PRSS41: variants seen among roughly 807,000 people sequenced by gnomAD.
The protein encoded by PRSS41 is protease, serine 41.
A neutral mutation model predicts 28.8 loss-of-function variants in PRSS41; 37 were observed. The observed-to-expected ratio is 1.29, with a 90% CI of 0.99 to 1.69. The LOEUF (loss-of-function observed/expected upper bound fraction) is 1.69. PRSS41 is among the 40% of genes most tolerant of loss of function. The pLI, the probability that PRSS41 is intolerant of heterozygous loss-of-function variation, is 0.00. For missense variants in PRSS41, 431 were observed against 400.7 expected, an observed-to-expected ratio of 1.08 and a Z score of -0.65; for synonymous variants, 195 against 163.1, an observed-to-expected ratio of 1.20 and a Z score of -1.49.
intron 4 of PRSS41, among the ~76,000 whole-genome samples, chr16:2,800,555 A>C (rs1230080721): frequency 1.3e-5 from 2 of 151,910 alleles, no homozygotes; most frequent in Admixed American, 6.6e-5. Flanking sequence ...AAAAAAAAAA[A>C]AAAAAAAAGA....
rs994265207 is a variant in PRSS41, at chr16:2,799,715, C to T, written c.541+146C>T. 2.3e-5 allele frequency: 19 copies of T among 842,044 alleles called. No homozygotes were observed. The African/African-American group carries it at 2.5e-4, about 11-fold the overall frequency. 52.2% of individuals were successfully genotyped at this position (842,044 alleles called of 1,614,324 possible). On this transcript the variant is annotated intron_variant, in intron 4 of 5. Transcript: ENST00000399677. ...CCCTCCTGCTCTCATTCTCTCCTCA[C>T]TTGCTTTTCTGCTCTCACTGCCACC...
chr16:2,805,011 C>T (rs1203060007), exon 6 of PRSS41: 2 of 1,570,540 alleles, frequency 1.3e-6, no homozygotes, highest in East Asian at 2.4e-5. Flanking sequence ...CCCAATCGGC[C>T]TGGTGTCTAC....
At chr16:2,802,225 G>A (rs1330190078) in intron 4 of PRSS41, among the ~76,000 whole-genome samples, 5 of 148,942 alleles carry the variant, frequency 3.4e-5, no homozygotes, top group Non-Finnish European at 7.4e-5. Context: ...GGGCAGAGGC[G>A]CTCCTCACAT....
chr16:2,799,047 C>T, exon 3 of PRSS41: 1 of 1,533,334 alleles, frequency 6.5e-7, no homozygotes, highest in Non-Finnish European at 8.7e-7. Context: ...CCAGCCTGCG[C>T]CTGAGGAGAC....
chr16:2,802,274 T>C (rs2068993713), intron 4 of PRSS41, among the ~76,000 whole-genome samples: 2 of 144,750 alleles, frequency 1.4e-5, no homozygotes, highest in East Asian at 2.1e-4. Flanking sequence ...TCCCCACATC[T>C]CAGACGATGG....
At chr16:2,799,546 G>C (rs1047995071) in exon 4 of PRSS41, 2 of 1,551,610 alleles carry the variant, frequency 1.3e-6, no homozygotes, top group Non-Finnish European at 1.7e-6. Flanking sequence ...GTGACCGGCT[G>C]GGGGTTAATC....
exon 4 of PRSS41, chr16:2,799,297 C>T (rs991190082): frequency 6.4e-7 from 1 of 1,551,582 alleles, no homozygotes; most frequent in Non-Finnish European, 8.7e-7. Flanking sequence ...CACTACTATC[C>T]CTCCGAGTGG....
At position 2,799,145 on chromosome 16, in the gene PRSS41, G is replaced by T. The variant is rs779586215; in HGVS notation, c.257+21G>T. On this transcript the variant is annotated intron_variant, in intron 3 of 5. Transcript: ENST00000399677. ...CAAAAGTGAGTCTGGGGGGCGGCCG[G>T]GGCCTCAGACTTGCTAATGGCCTCC... 3.3e-6 allele frequency: 5 copies of T among 1,507,540 alleles called. No homozygotes were observed. In the South Asian group the frequency reaches 5.1e-5, roughly 15 times the overall value. 93.4% of individuals were successfully genotyped at this position (1,507,540 alleles called of 1,614,324 possible).
chr16:2,805,067 C>T (rs2069012873), exon 6 of PRSS41: 1 of 1,552,346 alleles, frequency 6.4e-7, no homozygotes, highest in East Asian at 2.4e-5. Context: ...GGTGATGTCC[C>T]ACAGTACACC....
chr16:2,802,100 G>T (rs1237973118), intron 4 of PRSS41, among the ~76,000 whole-genome samples: 2 of 151,284 alleles, frequency 1.3e-5, no homozygotes, highest in Non-Finnish European at 2.9e-5. Flanking sequence ...TGGCTGCCGG[G>T]CGGAGAGGCT....
chr16:2,799,648 A>G (rs1330545873), intron 4 of PRSS41, 79 bp downstream of exon 4: 2 of 1,419,718 alleles, frequency 1.4e-6, no homozygotes, highest in East Asian at 5.0e-5. Flanking sequence ...CCGCTACACA[A>G]GCACAGCAGC....
intron 2 of PRSS41, 39 bp from the exon 3 acceptor site, chr16:2,798,920 C>CCCCCCCCCCCG: frequency 2.0e-6 from 3 of 1,504,134 alleles, no homozygotes; most frequent in African/African-American, 1.4e-5. Flanking sequence ...CCACCCCACC[C>CCCCCCCCCCCG]CACCCGGCAG....
chr16:2,799,257 G>T, intron 3 of PRSS41, 29 bp from the exon 4 acceptor site: 1 of 1,548,198 alleles, frequency 6.5e-7, no homozygotes, highest in Non-Finnish European at 8.7e-7. Context: ...CTATTCCAAG[G>T]CTCCCCGCCC....
At chr16:2,802,973 G>A (rs1014913601) in intron 4 of PRSS41, among the ~76,000 whole-genome samples, 3 of 152,126 alleles carry the variant, frequency 2.0e-5, no homozygotes, top group African/African-American at 7.2e-5. Context: ...CTCTCTTTTG[G>A]TTACTATTTT....
chr16:2,801,980 C>G (rs1443900867), intron 4 of PRSS41, among the ~76,000 whole-genome samples: 1 of 150,376 alleles, frequency 6.6e-6, no homozygotes, highest in Non-Finnish European at 1.5e-5. Context: ...CTGACCCCCC[C>G]ACCTCCCTCC....
intron 4 of PRSS41, among the ~76,000 whole-genome samples, chr16:2,800,009 C>T (rs1474784460): frequency 6.6e-6 from 1 of 152,228 alleles, no homozygotes. Context: ...GGGATATGTT[C>T]TGAGATATGC....
chr16:2,802,001 G>A (rs1300632636), intron 4 of PRSS41, among the ~76,000 whole-genome samples: 2 of 147,464 alleles, frequency 1.4e-5, no homozygotes, highest in African/African-American at 5.0e-5. Context: ...CGGACGGGGC[G>A]GCTGGCCGGG....
chr16:2,805,176 G>A, exon 6 of PRSS41: 1 of 1,466,482 alleles, frequency 6.8e-7, no homozygotes, highest in Non-Finnish European at 9.3e-7. Context: ...TGAGGCTGCA[G>A]TGGGGACCAC....
chr16:2,800,272 C>T (rs1229481335), intron 4 of PRSS41, among the ~76,000 whole-genome samples: 1 of 152,110 alleles, frequency 6.6e-6, no homozygotes, highest in Non-Finnish European at 1.5e-5. Flanking sequence ...CCAGGCCAGG[C>T]GCATGAGCCT....
Sources: allele counts gnomAD v4.1 joint callset (sites outside exome capture counted in the v4.1 genomes callset), GRCh38; gene constraint gnomAD v4.1.1; transcripts MANE v1.5; gene names NCBI Gene and HGNC (gene_info 2026-07-23, HGNC 2026-07-21).